MTREX: variants seen among roughly 807,000 people sequenced by gnomAD.
The protein encoded by MTREX is Mtr4 exosome RNA helicase.
In MTREX, 76 loss-of-function variants were observed where a neutral mutation model predicts 135.4. The observed-to-expected ratio is 0.56, with a 90% CI of 0.47 to 0.68. The LOEUF (loss-of-function observed/expected upper bound fraction) is 0.68, where lower values mean the gene tolerates loss of function less well. Ranked by LOEUF, MTREX falls within the 30% of genes least tolerant of loss-of-function variation. The pLI is 0.00. For synonymous variants in MTREX, 404 were observed against 401.6 expected (o/e 1.01, Z -0.07); for missense variants, 920 against 1,262.1 (o/e 0.73, Z 4.11).
In MTREX at chr5:55,313,986, GT is replaced by G. The variant is rs1284593414; in HGVS notation, c.134+5851del. ...ATCGTATATCAATATGTAGAGAGCT[GT>G]TTTTTTTTTTTAACAACTGCATAGT... On this transcript the variant is annotated intron_variant, in intron 1 of 26. Transcript: ENST00000230640. 6.8e-3 allele frequency among the ~76,000 whole-genome samples: 984 copies of G among 144,404 alleles called. 4 individuals are homozygous for G. The highest frequency in any genetic ancestry group is 0.019 in the African/African-American group (756 of 39,780). 94.7% of individuals were successfully genotyped at this position (144,404 alleles called of 152,430 possible).
chr5:55,412,414 A>T (rs1355043267), intron 23 of MTREX, among the ~76,000 whole-genome samples: 2 of 152,230 alleles, frequency 1.3e-5, no homozygotes, highest in African/African-American at 4.8e-5. Context: ...TTAAGCACCC[A>T]ATGTGGGCAG....
chr5:55,326,453 C>CA (rs1382180845), intron 3 of MTREX, among the ~76,000 whole-genome samples: 1 of 152,024 alleles, frequency 6.6e-6, no homozygotes, highest in African/African-American at 2.4e-5. Flanking sequence ...CTCAGGAGGT[C>CA]AAAAGCCCCT....
At chr5:55,331,534 GTAATT>G (rs1038579678) in intron 5 of MTREX, among the ~76,000 whole-genome samples, 12 of 152,132 alleles carry the variant, frequency 7.9e-5, no homozygotes, top group Non-Finnish European at 1.2e-4. Context: ...ATAAGATTTG[GTAATT>G]TTTATCTCTT....
chr5:55,318,426 ATAT>A (rs879535982), intron 1 of MTREX, among the ~76,000 whole-genome samples: 9 of 152,246 alleles, frequency 5.9e-5, no homozygotes, highest in Admixed American at 3.3e-4. Flanking sequence ...ACACCATGAA[ATAT>A]TATGCAGCCG....
chr5:55,422,006 T>C (rs1213747668), intron 25 of MTREX, among the ~76,000 whole-genome samples: 1 of 152,166 alleles, frequency 6.6e-6, no homozygotes, highest in African/African-American at 2.4e-5. Context: ...CAGCTGAGAA[T>C]AGAAATAACA....
intron 13 of MTREX, among the ~76,000 whole-genome samples, 199 bp from the exon 14 acceptor site, chr5:55,352,969 T>C (rs192498075): frequency 6.6e-6 from 1 of 152,346 alleles, no homozygotes; most frequent in East Asian, 1.9e-4. Flanking sequence ...ACCAAACTTC[T>C]GGGCTACGAG....
intron 13 of MTREX, among the ~76,000 whole-genome samples, chr5:55,351,652 G>A (rs771245412): frequency 6.6e-6 from 1 of 152,142 alleles, no homozygotes; most frequent in African/African-American, 2.4e-5. Context: ...AGAATAAAAG[G>A]ATTAGTTTAG....
Position 55,415,955 on chromosome 5 carries a change from CTT to C in MTREX, c.2809-12_2809-11del. The C allele has an allele frequency of 6.4e-7, 1 of 1,563,970 alleles. No homozygotes were observed. Among genetic ancestry groups the C allele is most frequent in the Non-Finnish European group, 8.6e-7 (1 of 1,158,666 alleles). On this transcript the variant is annotated splice_polypyrimidine_tract_variant and intron_variant, in intron 24 of 26. Coordinates refer to ENST00000230640, the MANE Select transcript of MTREX (RefSeq NM_015360.5). Reference sequence around the variant, plus strand: ...AGATCATAAGTAAGGAATTTTAACTCTTTTATCTTTAAAGGAATGTGCTAAAA... The same window carrying C: ...AGATCATAAGTAAGGAATTTTAACTCTTATCTTTAAAGGAATGTGCTAAAA...
intron 7 of MTREX, among the ~76,000 whole-genome samples, 198 bp from the exon 8 acceptor site, chr5:55,343,133 A>G (rs899418753): frequency 6.6e-6 from 1 of 152,174 alleles, no homozygotes; most frequent in Admixed American, 6.5e-5. Context: ...TTGTATTTAT[A>G]GTGGTTTAGT....
chr5:55,380,245 C>A (rs1028601937), intron 18 of MTREX, among the ~76,000 whole-genome samples: 6 of 152,012 alleles, frequency 3.9e-5, no homozygotes, highest in African/African-American at 1.4e-4. Context: ...CGGCCTGTTT[C>A]TTTTTTTAAA....
intron 15 of MTREX, among the ~76,000 whole-genome samples, chr5:55,363,366 T>A (rs1335191337): frequency 3.9e-5 from 6 of 152,222 alleles, no homozygotes; most frequent in Admixed American, 3.9e-4. Context: ...TTAGTATTTA[T>A]AAAATATTAC....
Position 55,308,538 on chromosome 5 carries a change from GATA to G in MTREX, c.134+396_134+398del, listed in dbSNP as rs1048110653. Among the ~76,000 whole-genome samples, 33 of 152,146 alleles carry G rather than the reference GATA, an allele frequency of 2.2e-4. 1 individual carries two copies. The highest frequency in any genetic ancestry group is 7.4e-5 in the Non-Finnish European group (5 of 68,022). On this transcript the variant is annotated intron_variant, in intron 1 of 26. Coordinates refer to ENST00000230640, the MANE Select transcript of MTREX (RefSeq NM_015360.5). ...GAATTGATTTGGAGGGGAAAGGGCAGATAATAACATGAGAAGGGAGAGACATTT... is the reference window on the plus strand; with the variant it reads ...GAATTGATTTGGAGGGGAAAGGGCAGATAACATGAGAAGGGAGAGACATTT...
chr5:55,382,640 G>A (rs1453908170), intron 18 of MTREX, among the ~76,000 whole-genome samples: 1 of 147,726 alleles, frequency 6.8e-6, no homozygotes, highest in Non-Finnish European at 1.5e-5. Context: ...TTGTTTTTTT[G>A]TTTTTTGAGA....
intron 10 of MTREX, 53 bp from the exon 11 acceptor site, chr5:55,346,960 G>T: frequency 1.4e-6 from 2 of 1,419,150 alleles, no homozygotes; most frequent in South Asian, 1.3e-5. Flanking sequence ...TTTAAATTTA[G>T]ATCTGTGATC....
rs34518412 is a variant in MTREX, at chr5:55,308,028, C to G, written c.15C>G (p.Phe5Leu). 1.2e-6 allele frequency: 2 copies of G among 1,614,022 alleles called. No homozygotes were observed. Among genetic ancestry groups the G allele is most frequent in the South Asian group, 1.1e-5 (1 of 91,066 alleles). ...TGCTCCCAAAAATGGCGGACGCATT[C>G]GGAGATGAGCTGTTCAGCGTGTTCG... The part of the protein sequence containing the change: MADA[F>L]GDELFSVFEG... Residue 5 changes from phenylalanine to leucine, a missense_variant, in exon 1 of 27, where the codon TTC (phenylalanine) becomes TTG (leucine). Physicochemically the swap from Phe to Leu is conservative, Grantham distance 22. Around this residue, in one of 6 missense-constraint regions of MTREX, gnomAD observed 136 missense variants for 126.7 expected, o/e 1.07. Transcript: ENST00000230640.
intron 1 of MTREX, among the ~76,000 whole-genome samples, chr5:55,313,608 A>G (rs1749151504): frequency 6.6e-6 from 1 of 152,206 alleles, no homozygotes; most frequent in South Asian, 2.1e-4. Flanking sequence ...AATACTCTGT[A>G]GTAGTTCTTT....
chr5:55,322,624 AC>A (rs1321130727), intron 2 of MTREX, among the ~76,000 whole-genome samples, 160 bp downstream of exon 2: 1 of 152,176 alleles, frequency 6.6e-6, no homozygotes, highest in Non-Finnish European at 1.5e-5. Context: ...TAGAACACTT[AC>A]CTAAGTTTGG....
At chr5:55,333,741 A>G (rs1345212954) in intron 5 of MTREX, among the ~76,000 whole-genome samples, 1 of 152,126 alleles carries the variant, frequency 6.6e-6, no homozygotes, top group African/African-American at 2.4e-5. Context: ...CTACTCCTAG[A>G]TTTGTTATAA....
At chr5:55,424,329 G>C (rs1307232968) in intron 26 of MTREX, 1 of 155,104 alleles carries the variant, frequency 6.4e-6, no homozygotes, top group Non-Finnish European at 1.4e-5. Flanking sequence ...ATTTCTAGTA[G>C]AGACGGGGTT....
Sources: gnomAD v4.1 joint callset for allele counts (sites outside exome capture counted in the v4.1 genomes callset) on GRCh38, gnomAD v4.1.1 for gene constraint, gnomAD v4.1.1 regional missense constraint, MANE v1.5 for transcripts, NCBI Gene and HGNC (gene_info 2026-07-23, HGNC 2026-07-21) for gene names.